OPTN: variants seen among roughly 807,000 people sequenced by gnomAD.
The protein encoded by OPTN is optineurin.
OPTN carries 54 observed loss-of-function variants against 70.4 expected under a neutral mutation model. The observed-to-expected ratio is 0.77, with a 90% CI of 0.62 to 0.96. The LOEUF is 0.96. Among genes scored for constraint, OPTN ranks in the 40% least tolerant of loss-of-function variants. The probability of loss-of-function intolerance (pLI) is 0.00; values close to 1 mark genes in which losing one functional copy is unlikely to be tolerated. For synonymous variants in OPTN, 256 were observed against 248.5 expected, an observed-to-expected ratio of 1.03 and a Z score of -0.28; for missense variants, 624 against 673.2, an observed-to-expected ratio of 0.93 and a Z score of 0.81.
chr10:13,104,057 C>A (rs974231870), intron 1 of OPTN, among the ~76,000 whole-genome samples: 2 of 152,124 alleles, frequency 1.3e-5, no homozygotes, highest in Non-Finnish European at 1.5e-5. Context: ...TGTAATGTAT[C>A]TCTGTCTTTC....
Position 13,112,522 on chromosome 10 carries a change from G to C in OPTN, c.439G>C (p.Val147Leu), listed in dbSNP as rs1281791906. The change falls in exon 5 of 15, where the codon GTG (valine) becomes CTG (leucine). Residue 147 changes from valine to leucine, a missense_variant. Physicochemically the swap from Val to Leu is conservative, Grantham distance 32. Coordinates refer to ENST00000378747, the MANE Select transcript of OPTN (RefSeq NM_001008212.2). The part of the protein sequence containing the change: ...EQEKDQLRTQ[V>L]VRLQAEKADL... The stretch of plus-strand genomic sequence containing the variant: ...GGAAAAGGACCAGCTCAGGACCCAG[G>C]TGGTGAGGCTACAAGCAGAGAAGGC... The C allele has an allele frequency of 3.1e-6, 5 of 1,613,978 alleles. No individual in the cohort carries two copies. In the African/African-American group the frequency reaches 5.3e-5, roughly 17 times the overall value.
chr10:13,124,097 A>G lies in OPTN; in HGVS notation c.985A>G (p.Arg329Gly), dbSNP rs1564364468. The change falls in exon 9 of 15, where the codon AGA (arginine) becomes GGA (glycine). Residue 329 changes from arginine to glycine, a missense_variant. Transcript: ENST00000378747. ...CAGCGAAGCTGAGCTAATGAAGAAGAGACTTCAAGAAAAGTAAGAATGAGA... is the reference window on the plus strand; with the variant it reads ...CAGCGAAGCTGAGCTAATGAAGAAGGGACTTCAAGAAAAGTAAGAATGAGA... Reference protein sequence around the residue: ...KLSEAELMKKRLQEKCQALER... With the variant: ...KLSEAELMKKGLQEKCQALER... 1.9e-6 allele frequency: 3 copies of G among 1,603,882 alleles called. No homozygotes were observed. In the East Asian group the frequency reaches 6.7e-5, roughly 36 times the overall value.
chr10:13,132,033 G>C, intron 12 of OPTN, 34 bp from the exon 13 acceptor site: 2 of 1,604,286 alleles, frequency 1.2e-6, no homozygotes, highest in Non-Finnish European at 1.7e-6. Flanking sequence ...ATTCATCTAG[G>C]TACTAACTTC....
Position 13,133,549 on chromosome 10 carries a change from ACT to A in OPTN, c.1583_1584del (p.Ser528Ter), listed in dbSNP as rs1446908199. 17 of 1,613,840 alleles carry A rather than the reference ACT, an allele frequency of 1.1e-5. No homozygotes were observed. The highest frequency in any genetic ancestry group is 1.1e-5 in the Non-Finnish European group (13 of 1,179,980). On this transcript the variant is annotated frameshift_variant, in exon 14 of 15. Coordinates refer to ENST00000378747, the MANE Select transcript of OPTN (RefSeq NM_001008212.2). LOFTEE classifies it high-confidence loss of function. ...AGTCGTCATGGGGCGAGAACAAGTG[ACT>A]CTGACCAGCAGGCTTACCTTGTTCA...
chr10:13,107,661 G>A (rs145871824), intron 1 of OPTN, among the ~76,000 whole-genome samples: 2,904 of 152,060 alleles, frequency 0.019, 101 homozygotes, highest in African/African-American at 0.065. Context: ...GATTAGAGGC[G>A]TGAGCCACCG....
At chr10:13,130,301 T>C (rs904256137) in intron 12 of OPTN, among the ~76,000 whole-genome samples, 1 of 151,646 alleles carries the variant, frequency 6.6e-6, no homozygotes, top group Non-Finnish European at 1.5e-5. Context: ...GGCGGGCACC[T>C]GTAGTCCCAG....
chr10:13,113,422 G>C (rs1014243861), intron 5 of OPTN, among the ~76,000 whole-genome samples: 1 of 152,230 alleles, frequency 6.6e-6, no homozygotes. Flanking sequence ...TCTGGTTGTA[G>C]GTTGAGGGAG....
chr10:13,105,201 A>G (rs565548786), intron 1 of OPTN, among the ~76,000 whole-genome samples: 1 of 152,294 alleles, frequency 6.6e-6, no homozygotes, highest in Non-Finnish European at 1.5e-5. Flanking sequence ...TGAATTACAA[A>G]ATATTTTTTC....
chr10:13,131,985 C>T, intron 12 of OPTN, 82 bp from the exon 13 acceptor site: 2 of 1,395,924 alleles, frequency 1.4e-6, no homozygotes, highest in Non-Finnish European at 1.0e-6. Flanking sequence ...AAGGATACAG[C>T]ACTACCTCCT....
At chr10:13,112,693 T>A (rs1266582417) in intron 5 of OPTN, 58 bp downstream of exon 5, 1 of 1,513,876 alleles carries the variant, frequency 6.6e-7, no homozygotes, top group East Asian at 2.3e-5. Context: ...CCTGGAAAGA[T>A]GAAACAAATA....
rs140599944 is a variant in OPTN at position 13,112,486 on chromosome 10, G to A, written c.403G>A (p.Glu135Lys). The change falls in exon 5 of 15, where the codon GAA becomes AAA. Residue 135 changes from glutamate to lysine, a missense_variant. Glu to Lys is a moderately conservative substitution (Grantham distance 56, BLOSUM62 1). Transcript: ENST00000378747. ...PTDDSRLPRA[E>K]AEQEKDQLRT... ...TGATGACTCCAGGCTTCCCAGGGCC[G>A]AAGCGGAGCAGGAAAAGGACCAGCT... is the stretch of plus-strand genomic sequence containing the variant. 9.1e-5 allele frequency: 147 copies of A among 1,613,888 alleles called. No homozygotes were observed. Among genetic ancestry groups the A allele is most frequent in the South Asian group, 2.0e-4 (18 of 91,076 alleles).
At chr10:13,133,014 T>A (rs1037181686) in intron 13 of OPTN, among the ~76,000 whole-genome samples, 2 of 152,168 alleles carry the variant, frequency 1.3e-5, no homozygotes, top group Middle Eastern at 3.2e-3. Context: ...CTTGTGCTGT[T>A]AGGAATTTGG....
chr10:13,102,799 T>C (rs1171886744), intron 1 of OPTN, among the ~76,000 whole-genome samples: 4 of 151,998 alleles, frequency 2.6e-5, no homozygotes, highest in African/African-American at 9.6e-5. Flanking sequence ...AAAAATTAGC[T>C]GGGAATGGTG....
intron 1 of OPTN, among the ~76,000 whole-genome samples, chr10:13,107,070 T>C (rs1293819272): frequency 6.6e-6 from 1 of 152,152 alleles, no homozygotes; most frequent in Non-Finnish European, 1.5e-5. Context: ...ATTGGATAGA[T>C]GGATTTTAAA....
chr10:13,113,316 G>C (rs982128471), intron 5 of OPTN, among the ~76,000 whole-genome samples: 10 of 152,142 alleles, frequency 6.6e-5, no homozygotes, highest in Non-Finnish European at 1.0e-4. Context: ...GTGAGCCACC[G>C]CGCCTGGCCA....
chr10:13,112,306 G>T, intron 4 of OPTN, 147 bp from the exon 5 acceptor site: 1 of 733,260 alleles, frequency 1.4e-6, no homozygotes, highest in South Asian at 1.5e-5. Context: ...TGGGGGTCTT[G>T]CTATGTTGCC....
At chr10:13,104,971 T>C (rs1218685911) in intron 1 of OPTN, among the ~76,000 whole-genome samples, 1 of 151,902 alleles carries the variant, frequency 6.6e-6, no homozygotes, top group Non-Finnish European at 1.5e-5. Flanking sequence ...TACTAATTTA[T>C]GTATTTTTAG....
Position 13,137,655 on chromosome 10 carries a change from T to G in OPTN, c.*789T>G. The stretch of plus-strand genomic sequence containing the variant: ...TCATTTAAAATGGATCTGTTGGAGG[T>G]TATGTGTGTATGTTGTAGTTTTATT... On this transcript the variant is annotated 3_prime_UTR_variant, in exon 15 of 15. Transcript: ENST00000378747. 4.3e-6 allele frequency: 1 copy of G among 231,826 alleles called. No homozygotes were observed. Among genetic ancestry groups the G allele is most frequent in the Admixed American group, 5.6e-5 (1 of 17,742 alleles). The allele number at this position is 231,826 out of a possible 1,614,324, so 14.4% of individuals were successfully genotyped here. A position where few individuals can be genotyped will look rare whatever the true frequency, so the allele number is the denominator to read the frequency against.
At chr10:13,110,624 C>A in intron 4 of OPTN, 148 bp downstream of exon 4, 1 of 817,950 alleles carries the variant, frequency 1.2e-6, no homozygotes. Context: ...AGTGCTTTTG[C>A]TGAAAAGATT....
Sources: gnomAD v4.1 joint callset for allele counts (sites outside exome capture counted in the v4.1 genomes callset) on GRCh38, gnomAD v4.1.1 for gene constraint, MANE v1.5 for transcripts, NCBI Gene and HGNC (gene_info 2026-07-23, HGNC 2026-07-21) for gene names.